CMKLR1: variants seen among roughly 807,000 people sequenced by gnomAD.
CMKLR1 encodes chemerin chemokine-like receptor 1, also known as chemerin-like receptor 1.
Under a neutral mutation model 8.2 loss-of-function variants are expected in CMKLR1, and 6 were observed. That is an observed-to-expected ratio of 0.73 (90% CI 0.40 to 1.44). CMKLR1 has a LOEUF of 1.44. Ranked by LOEUF, CMKLR1 falls within the 40% of genes most tolerant of loss-of-function variation. The probability of loss-of-function intolerance (pLI) is 0.02; values close to 1 mark genes in which losing one functional copy is unlikely to be tolerated. For synonymous variants in CMKLR1, 178 were observed against 181.2 expected, an observed-to-expected ratio of 0.98 and a Z score of 0.14; for missense variants, 429 against 478.0, an observed-to-expected ratio of 0.90 and a Z score of 0.96.
At chr12:108,318,276 A>G (rs564991172) in intron 2 of CMKLR1, among the ~76,000 whole-genome samples, 24 of 152,338 alleles carry the variant, frequency 1.6e-4, no homozygotes, top group African/African-American at 5.3e-4. Flanking sequence ...GTCTTTTATA[A>G]TGAGCAAATG....
Position 108,298,531 on chromosome 12 carries a change from G to A in CMKLR1, c.-73-4867C>T, listed in dbSNP as rs191170001. 1.7e-3 allele frequency among the ~76,000 whole-genome samples: 255 copies of A among 152,268 alleles called. 1 individual carries two copies. The highest frequency in any genetic ancestry group is 5.8e-3 in the African/African-American group (241 of 41,538). ...CACACCTTTCCTGATACACCAGGCC[G>A]TCCAGCTCCACCCTACAGGGACACC... On this transcript the variant is annotated intron_variant, in intron 2 of 3. Transcript: ENST00000550402.
chr12:108,323,320 A>G (rs1317740), intron 2 of CMKLR1, among the ~76,000 whole-genome samples: 37,122 of 151,914 alleles, frequency 0.24, 5,081 homozygotes, highest in Middle Eastern at 0.34. Flanking sequence ...TTACCTTGCT[A>G]TCTGTGATTT....
intron 2 of CMKLR1, among the ~76,000 whole-genome samples, chr12:108,318,504 C>T (rs1891785656): frequency 6.6e-6 from 1 of 152,204 alleles, no homozygotes. Flanking sequence ...AGGGAAATGA[C>T]AATTGTTTGC....
At chr12:108,333,940 G>A (rs534286238) in intron 1 of CMKLR1, among the ~76,000 whole-genome samples, 159 of 152,374 alleles carry the variant, frequency 1.0e-3, no homozygotes, top group African/African-American at 3.7e-3. Context: ...TGAGTCCGGC[G>A]GCAGCTCAAA....
intron 2 of CMKLR1, among the ~76,000 whole-genome samples, chr12:108,317,245 G>A (rs924506048): frequency 6.6e-6 from 1 of 152,214 alleles, no homozygotes; most frequent in African/African-American, 2.4e-5. Context: ...TCTTCATTGA[G>A]CATGGGTTTC....
At chr12:108,300,526 T>C (rs1891240597) in intron 2 of CMKLR1, among the ~76,000 whole-genome samples, 1 of 152,202 alleles carries the variant, frequency 6.6e-6, no homozygotes, top group Non-Finnish European at 1.5e-5. Context: ...TGGATCTGTC[T>C]GGATATTAGA....
intron 1 of CMKLR1, among the ~76,000 whole-genome samples, chr12:108,337,371 G>A (rs1423128680): frequency 6.6e-6 from 1 of 152,232 alleles, no homozygotes; most frequent in Admixed American, 6.5e-5. Context: ...CCATTTTACA[G>A]ATGGTGAAAC....
chr12:108,315,499 T>C (rs1462413653), intron 2 of CMKLR1, among the ~76,000 whole-genome samples: 2 of 152,184 alleles, frequency 1.3e-5, no homozygotes, highest in Non-Finnish European at 2.9e-5. Flanking sequence ...TCCTGTGTAC[T>C]AGCCTTGCCC....
chr12:108,323,124 C>T (rs377356459), intron 2 of CMKLR1, among the ~76,000 whole-genome samples: 1 of 152,164 alleles, frequency 6.6e-6, no homozygotes, highest in East Asian at 1.9e-4. Flanking sequence ...ACATTTCCCA[C>T]AAATTTTTGA....
At chr12:108,293,552 G>C in intron 3 of CMKLR1, 37 bp downstream of exon 3, 7 of 1,551,272 alleles carry the variant, frequency 4.5e-6, no homozygotes, top group Non-Finnish European at 6.1e-6. Context: ...AGTGGTCACT[G>C]GTGCCCTTTG....
At position 108,292,927 on chromosome 12, in the gene CMKLR1, G is replaced by A. The variant is rs752505056; in HGVS notation, c.36C>T (p.Ile12=). 1.2e-6 allele frequency: 2 copies of A among 1,612,880 alleles called. No homozygotes were observed. Among genetic ancestry groups the A allele is most frequent in the South Asian group, 1.1e-5 (1 of 90,974 alleles). The change falls in exon 4 of 4, where the codon ATC becomes ATT. Residue 12 remains isoleucine, a synonymous_variant. Transcript: ENST00000550402. ...AATCAGGGTATTCATCACCGTAACT[G>A]ATGGAAGTGTTGTAATCTTCATCCT... ...RMEDEDYNTS[I]SYGDEYPDYL...
intron 1 of CMKLR1, among the ~76,000 whole-genome samples, chr12:108,338,171 C>T (rs1192246432): frequency 1.3e-5 from 2 of 152,094 alleles, no homozygotes; most frequent in African/African-American, 4.8e-5. Flanking sequence ...TTAAAATGGG[C>T]TATTCTGAAG....
At chr12:108,313,555 A>ATGCACC (rs1015356492) in intron 2 of CMKLR1, among the ~76,000 whole-genome samples, 3 of 152,214 alleles carry the variant, frequency 2.0e-5, no homozygotes, top group African/African-American at 7.2e-5. Context: ...TCATGAGATC[A>ATGCACC]TATACGTAGG....
chr12:108,333,671 G>A (rs377214566), intron 1 of CMKLR1, among the ~76,000 whole-genome samples: 9 of 152,180 alleles, frequency 5.9e-5, no homozygotes, highest in African/African-American at 1.9e-4. Context: ...GGAGGTTAAA[G>A]TTCAGAGCTG....
chr12:108,324,814 G>A (rs572043098), intron 2 of CMKLR1, among the ~76,000 whole-genome samples: 1 of 125,968 alleles, frequency 7.9e-6, no homozygotes, highest in South Asian at 2.5e-4. Flanking sequence ...CCTTGCAAGT[G>A]TTTACTGAGC....
chr12:108,295,894 T>A (rs982905876), intron 2 of CMKLR1, among the ~76,000 whole-genome samples: 1 of 152,148 alleles, frequency 6.6e-6, no homozygotes, highest in Non-Finnish European at 1.5e-5. Flanking sequence ...GCCATGTTTT[T>A]TCATCTTAGA....
chr12:108,292,905 C>T lies in CMKLR1; in HGVS notation c.58G>A (p.Asp20Asn). ...AAAACCACAATGGAGTCTAAATAAT[C>T]AGGGTATTCATCACCGTAACTGATG... ...TSISYGDEYPDYLDSIVVLED... is the reference protein window; with the variant it reads ...TSISYGDEYPNYLDSIVVLED... The change falls in exon 4 of 4, where the codon GAT (aspartate) becomes AAT (asparagine). Residue 20 changes from aspartate to asparagine, a missense_variant. Transcript: ENST00000550402. 1 of 1,613,980 alleles carries T rather than the reference C, an allele frequency of 6.2e-7. No homozygotes were observed. Among genetic ancestry groups the T allele is most frequent in the Non-Finnish European group, 8.5e-7 (1 of 1,179,926 alleles).
chr12:108,298,328 A>G (rs542155927), intron 2 of CMKLR1, among the ~76,000 whole-genome samples: 1 of 152,332 alleles, frequency 6.6e-6, no homozygotes, highest in South Asian at 2.1e-4. Context: ...CAGCTCATGC[A>G]TCTCCAACAA....
At chr12:108,315,743 C>A (rs556366407) in intron 2 of CMKLR1, among the ~76,000 whole-genome samples, 118 of 152,308 alleles carry the variant, frequency 7.7e-4, no homozygotes, top group Non-Finnish European at 1.5e-3. Flanking sequence ...TTTCCAGATG[C>A]AAAGACTGAG....
Sources: allele counts gnomAD v4.1 joint callset (sites outside exome capture counted in the v4.1 genomes callset), GRCh38; gene constraint gnomAD v4.1.1; transcripts MANE v1.5; gene names NCBI Gene and HGNC (gene_info 2026-07-23, HGNC 2026-07-21).